Variants in SLC7A14 observed in about 807,000 individuals in gnomAD.
SLC7A14 encodes the protein solute carrier family 7 member 14.
A neutral mutation model predicts 60.2 loss-of-function variants in SLC7A14; 37 were observed. The ratio of observed to expected loss-of-function variants is 0.61; its 90% CI spans 0.47 to 0.81. The LOEUF (loss-of-function observed/expected upper bound fraction) is 0.81, where lower values mean the gene tolerates loss of function less well. Ranked by LOEUF, SLC7A14 falls within the 30% of genes least tolerant of loss-of-function variation. The pLI, the probability that SLC7A14 is intolerant of heterozygous loss-of-function variation, is 0.00. For missense variants in SLC7A14, 886 were observed against 982.7 expected (o/e 0.90, Z 1.32); for synonymous variants, 399 against 395.8 (o/e 1.01, Z -0.10).
intron 1 of SLC7A14, among the ~76,000 whole-genome samples, chr3:170,572,060 C>CAA (rs765897392): frequency 0.024 from 1,923 of 80,254 alleles, 48 homozygotes; most frequent in East Asian, 0.14. Context: ...GACTCTGTCT[C>CAA]AAAAAAAAAA....
At chr3:170,514,361 C>T (rs1305496214) in intron 2 of SLC7A14, among the ~76,000 whole-genome samples, 1 of 152,228 alleles carries the variant, frequency 6.6e-6, no homozygotes, top group East Asian at 1.9e-4. Context: ...GTGTTTATCC[C>T]ATGGCTGTCG....
intron 3 of SLC7A14, among the ~76,000 whole-genome samples, chr3:170,500,645 G>C (rs531866515): frequency 2.0e-5 from 3 of 152,008 alleles, no homozygotes; most frequent in African/African-American, 7.2e-5. Flanking sequence ...GAAACCACTG[G>C]AGAAATTGCT....
rs1180912821 is a variant in SLC7A14, at chr3:170,462,613, C to T, written c.*4442G>A. Reference sequence around the variant, plus strand: ...AGTAGAACTGGCACACGCCTATAATCCCAGCTGCTTGGGAGGCTGAGGCAG... The same window carrying T: ...AGTAGAACTGGCACACGCCTATAATTCCAGCTGCTTGGGAGGCTGAGGCAG... On this transcript the variant is annotated 3_prime_UTR_variant, in exon 8 of 8. Coordinates refer to ENST00000231706, the MANE Select transcript of SLC7A14 (RefSeq NM_020949.3). The T allele has an allele frequency of 6.6e-6, 1 of 152,150 alleles. No homozygotes were observed. Among genetic ancestry groups the T allele is most frequent in the African/African-American group, 2.4e-5 (1 of 41,402 alleles). 9.4% of individuals were successfully genotyped at this position (152,150 alleles called of 1,614,324 possible). A position where few individuals can be genotyped will look rare whatever the true frequency, so the allele number is the denominator to read the frequency against.
chr3:170,495,458 C>A (rs942078439), intron 4 of SLC7A14, among the ~76,000 whole-genome samples: 5 of 152,174 alleles, frequency 3.3e-5, no homozygotes, highest in African/African-American at 1.2e-4. Context: ...TCAGGGTGAC[C>A]CAGAAGTCCT....
chr3:170,528,768 C>T (rs1381061144), intron 1 of SLC7A14, among the ~76,000 whole-genome samples: 1 of 152,184 alleles, frequency 6.6e-6, no homozygotes, highest in African/African-American at 2.4e-5. Flanking sequence ...CCTTCCACGT[C>T]CCCTTCCTCC....
At chr3:170,483,078 G>A (rs1711886253) in intron 6 of SLC7A14, among the ~76,000 whole-genome samples, 1 of 152,092 alleles carries the variant, frequency 6.6e-6, no homozygotes, top group African/African-American at 2.4e-5. Flanking sequence ...CAGGAGGGAG[G>A]ACAGTGGGGG....
intron 1 of SLC7A14, among the ~76,000 whole-genome samples, chr3:170,537,841 T>C (rs1182134871): frequency 6.6e-6 from 1 of 152,208 alleles, no homozygotes; most frequent in Non-Finnish European, 1.5e-5. Context: ...AAAAGGTGAA[T>C]GGAGCAGCCT....
At chr3:170,512,733 G>C (rs1390605833) in intron 2 of SLC7A14, among the ~76,000 whole-genome samples, 2 of 126,740 alleles carry the variant, frequency 1.6e-5, no homozygotes, top group Admixed American at 2.1e-4. Flanking sequence ...GAACCATCTC[G>C]GCTCACTGCA....
At chr3:170,544,801 A>T (rs1714130093) in intron 1 of SLC7A14, among the ~76,000 whole-genome samples, 1 of 152,242 alleles carries the variant, frequency 6.6e-6, no homozygotes, top group East Asian at 1.9e-4. Context: ...GGTAAAGATG[A>T]GGAAACTGAG....
At chr3:170,516,015 C>T (rs1713145947) in intron 2 of SLC7A14, among the ~76,000 whole-genome samples, 1 of 152,196 alleles carries the variant, frequency 6.6e-6, no homozygotes, top group African/African-American at 2.4e-5. Context: ...ATGCTAGGTG[C>T]TCATGGCATG....
chr3:170,543,564 G>A (rs895080812), intron 1 of SLC7A14, among the ~76,000 whole-genome samples: 2 of 151,604 alleles, frequency 1.3e-5, no homozygotes, highest in East Asian at 2.0e-4. Flanking sequence ...CAGGAGAATC[G>A]CTTGAACCCC....
chr3:170,553,204 C>G (rs1391655946), intron 1 of SLC7A14, among the ~76,000 whole-genome samples: 1 of 152,148 alleles, frequency 6.6e-6, no homozygotes, highest in Non-Finnish European at 1.5e-5. Context: ...CTGGCTCTAC[C>G]TCAATCCCAA....
At chr3:170,471,090 G>GGGGTGT (rs1553864201) in intron 7 of SLC7A14, among the ~76,000 whole-genome samples, 2 of 146,356 alleles carry the variant, frequency 1.4e-5, no homozygotes, top group Admixed American at 6.8e-5. Flanking sequence ...TCTGGGAAGG[G>GGGGTGT]GTGTGTGTGT....
In SLC7A14 at chr3:170,483,397, T is replaced by C; in HGVS notation, c.1032A>G (p.Ala344=). The change falls in exon 6 of 8, where the codon GCA becomes GCG. Residue 344 remains alanine, a synonymous_variant. Transcript: ENST00000231706. ...AKFVVAIGSV[A]GLTVSLLGSL... is the part of the protein sequence containing the mutation. ...ACCCCAGCAAGCTGACTGTCAGTCC[T>C]GCAACCGACCCAATGGCCACTACGA... The C allele has an allele frequency of 6.2e-7, 1 of 1,614,220 alleles. No homozygotes were observed. Among genetic ancestry groups the C allele is most frequent in the Non-Finnish European group, 8.5e-7 (1 of 1,180,038 alleles).
intron 1 of SLC7A14, among the ~76,000 whole-genome samples, chr3:170,569,577 G>T (rs1163022167): frequency 2.0e-5 from 3 of 152,206 alleles, no homozygotes; most frequent in Non-Finnish European, 2.9e-5. Context: ...AATGGTTTCA[G>T]AAGGAATGGT....
intron 1 of SLC7A14, among the ~76,000 whole-genome samples, chr3:170,572,150 T>G (rs551123862): frequency 9.6e-4 from 146 of 152,044 alleles, no homozygotes; most frequent in Admixed American, 2.6e-3. Context: ...CTGGGCCTAA[T>G]TCTCTGCTAA....
At chr3:170,547,093 G>A (rs1714202881) in intron 1 of SLC7A14, among the ~76,000 whole-genome samples, 1 of 152,156 alleles carries the variant, frequency 6.6e-6, no homozygotes, top group Admixed American at 6.5e-5. Flanking sequence ...GGATGGAGAT[G>A]TAAGATTGTC....
chr3:170,574,244 C>A (rs1213522493), intron 1 of SLC7A14, among the ~76,000 whole-genome samples: 1 of 152,136 alleles, frequency 6.6e-6, no homozygotes, highest in Admixed American at 6.5e-5. Context: ...AATTTTAGTT[C>A]AATTGATTTA....
At chr3:170,547,562 T>G (rs928949312) in intron 1 of SLC7A14, among the ~76,000 whole-genome samples, 3 of 152,194 alleles carry the variant, frequency 2.0e-5, no homozygotes, top group Non-Finnish European at 4.4e-5. Flanking sequence ...ATATATTTTC[T>G]ATTCAGTGAA....
Sources: allele counts gnomAD v4.1 joint callset (sites outside exome capture counted in the v4.1 genomes callset), GRCh38; gene constraint gnomAD v4.1.1; transcripts MANE v1.5; gene names NCBI Gene and HGNC (gene_info 2026-07-23, HGNC 2026-07-21).